Variants in ADGRE2 observed in about 807,000 individuals in gnomAD.
ADGRE2 encodes adhesion G protein-coupled receptor E2.
ADGRE2 carries 83 observed loss-of-function variants against 100.8 expected under a neutral mutation model. The observed-to-expected ratio is 0.82, with a 90% CI of 0.69 to 0.99. The LOEUF (loss-of-function observed/expected upper bound fraction) is 0.99. Ranked by LOEUF, ADGRE2 falls within the 50% of genes least tolerant of loss-of-function variation. The pLI is 0.00. For synonymous variants in ADGRE2, 355 were observed against 413.0 expected (o/e 0.86, Z 1.70); for missense variants, 814 against 1,035.7 (o/e 0.79, Z 2.94).
chr19:14,755,290 A>AAAAAAAC (rs1568599134), intron 13 of ADGRE2, among the ~76,000 whole-genome samples, 163 bp from the exon 14 acceptor site: 3 of 31,338 alleles, frequency 9.6e-5, no homozygotes, highest in Non-Finnish European at 1.3e-4. Flanking sequence ...AAAAAAAAAA[A>AAAAAAAC]AAAAATACAA....
downstream of ADGRE2, chr19:14,731,663 GT>G (rs1200309048): frequency 1.3e-5 from 2 of 154,286 alleles, no homozygotes; most frequent in Non-Finnish European, 2.9e-5. Context: ...CGTATTTCAT[GT>G]TTCAAACTGG....
At chr19:14,770,675 T>TC (rs1206557137) in intron 5 of ADGRE2, among the ~76,000 whole-genome samples, 1 of 109,178 alleles carries the variant, frequency 9.2e-6, no homozygotes, top group African/African-American at 3.6e-5. Context: ...TTTTCTTTTT[T>TC]TTTTTTTTTT....
At position 14,766,320 on chromosome 19, in the gene ADGRE2, G is replaced by A. The variant is rs900927252; in HGVS notation, c.549C>T (p.Asn183=). The A allele has an allele frequency of 5.6e-6, 9 of 1,613,986 alleles. No individual in the cohort carries two copies. The highest frequency in any genetic ancestry group is 4.5e-5 in the East Asian group (2 of 44,878). ...PCHSSTHCLN[N]VGSYQCRCRP... is the part of the protein sequence containing the mutation. ...GGCAGCGGCACTGATAGCTGCCCACGTTGTTGAGGCAGTGGGTGGAGCTGT... is the reference window on the plus strand; with the variant it reads ...GGCAGCGGCACTGATAGCTGCCCACATTGTTGAGGCAGTGGGTGGAGCTGT... Residue 183 remains asparagine, a synonymous_variant, in exon 7 of 21, where the codon AAC becomes AAT. Coordinates refer to ENST00000315576, the MANE Select transcript of ADGRE2 (RefSeq NM_013447.4).
intron 20 of ADGRE2, among the ~76,000 whole-genome samples, chr19:14,738,670 G>A (rs3795030): frequency 0.29 from 43,891 of 151,968 alleles, 6,709 homozygotes; most frequent in South Asian, 0.52. Flanking sequence ...GAGCCACTGC[G>A]CCCAGCCTGA....
chr19:14,776,635 AC>A (rs1313675771), intron 2 of ADGRE2, 90 bp downstream of exon 2: 1 of 1,425,548 alleles, frequency 7.0e-7, no homozygotes, highest in Non-Finnish European at 9.7e-7. Flanking sequence ...CCCCACAGAC[AC>A]CAGCGGCGCC....
chr19:14,759,188 C>G (rs2043611931), intron 11 of ADGRE2, among the ~76,000 whole-genome samples: 2 of 151,944 alleles, frequency 1.3e-5, no homozygotes, highest in South Asian at 4.2e-4. Context: ...GAAGAGGGAG[C>G]CCCCACGTTG....
chr19:14,752,507 G>A lies in ADGRE2; in HGVS notation c.1610C>T (p.Thr537Ile), dbSNP rs752129297. The A allele has an allele frequency of 3.7e-6, 6 of 1,614,048 alleles. No individual in the cohort carries two copies. In the East Asian group the frequency reaches 6.7e-5, roughly 18 times the overall value. Reference sequence around the variant, plus strand: ...GCTCAGCCCCATGTAGGTGATGACAGTCAGCACGGGATCCTCCTCCTGGGA... The same window carrying A: ...GCTCAGCCCCATGTAGGTGATGACAATCAGCACGGGATCCTCCTCCTGGGA... ...YDVQEEDPVL[T>I]VITYMGLSVS... Residue 537 changes from threonine to isoleucine, a missense_variant, in exon 15 of 21, where the codon ACT (threonine) becomes ATT (isoleucine). This residue lies in a region of ADGRE2 where 569 missense variants were observed against 692.7 expected (regional missense o/e 0.82). Coordinates refer to ENST00000315576, the MANE Select transcript of ADGRE2 (RefSeq NM_013447.4).
chr19:14,732,388 C>T (rs915904626), downstream of ADGRE2: 1 of 151,992 alleles, frequency 6.6e-6, no homozygotes, highest in Non-Finnish European at 1.5e-5. Flanking sequence ...ACTGGGAAAC[C>T]AAAAAATGTG....
In ADGRE2 at chr19:14,751,912, C is replaced by CAT. The variant is rs1259908615; in HGVS notation, c.1789-243_1789-242dup. ...ACGTATACACACACACACACACACACATATATATATATATATATATTTTTT... is the reference window on the plus strand; with the variant it reads ...ACGTATACACACACACACACACACACATATATATATATATATATATATTTTTT... On this transcript the variant is annotated intron_variant, in intron 15 of 20. Coordinates refer to ENST00000315576, the MANE Select transcript of ADGRE2 (RefSeq NM_013447.4). Among the ~76,000 whole-genome samples the CAT allele has an allele frequency of 2.8e-3, 262 of 95,024 alleles. 1 individual carries two copies. The highest frequency in any genetic ancestry group is 6.2e-3 in the East Asian group (20 of 3,224). The allele number at this position is 95,024 out of a possible 152,430, so 62.3% of individuals were successfully genotyped here. A position where few individuals can be genotyped will look rare whatever the true frequency, so the allele number is the denominator to read the frequency against.
chr19:14,769,947 C>T (rs903951005), intron 5 of ADGRE2, among the ~76,000 whole-genome samples: 2 of 152,182 alleles, frequency 1.3e-5, no homozygotes, highest in Admixed American at 1.3e-4. Flanking sequence ...ATCCGCCCAC[C>T]TCGGCCTCCC....
At chr19:14,773,888 T>A (rs376561082) in intron 4 of ADGRE2, 50 bp downstream of exon 4, 121 of 1,536,328 alleles carry the variant, frequency 7.9e-5, no homozygotes, top group Admixed American at 2.0e-4. Context: ...GGCACTGGGC[T>A]ATGCCTCATA....
At position 14,748,031 on chromosome 19, in the gene ADGRE2, T is replaced by G. The variant is rs183885165; in HGVS notation, c.2025-1069A>C. Among the ~76,000 whole-genome samples the G allele has an allele frequency of 1.8e-3, 277 of 152,272 alleles. 1 individual carries two copies. The highest frequency in any genetic ancestry group is 6.4e-3 in the African/African-American group (264 of 41,562). Reference sequence around the variant, plus strand: ...ACATTTTGTAGGTTTGTTATGTAGGTAAAATGCATGTTGCGGCGGTTTGGT... The same window carrying G: ...ACATTTTGTAGGTTTGTTATGTAGGGAAAATGCATGTTGCGGCGGTTTGGT... On this transcript the variant is annotated intron_variant, in intron 16 of 20. Transcript: ENST00000315576.
rs763935066 is a variant in ADGRE2, at chr19:14,766,330, C to T, written c.539G>A (p.Cys180Tyr). 6 of 1,613,986 alleles carry T rather than the reference C, an allele frequency of 3.7e-6. No homozygotes were observed. The African/African-American group carries it at 4.0e-5, about 11-fold the overall frequency. ...GQNPCHSSTH[C>Y]LNNVGSYQCR... ...CTGATAGCTGCCCACGTTGTTGAGGCAGTGGGTGGAGCTGTGGCATGGGTT... is the reference window on the plus strand; with the variant it reads ...CTGATAGCTGCCCACGTTGTTGAGGTAGTGGGTGGAGCTGTGGCATGGGTT... Residue 180 changes from cysteine (C) to tyrosine (Y), a missense_variant, in exon 7 of 21, where the codon TGC becomes TAC. By Grantham distance (194) the Cys-to-Tyr change is radical (BLOSUM62 -2). This residue lies in a region of ADGRE2 where 69 missense variants were observed against 75.3 expected (regional missense o/e 0.92). Transcript: ENST00000315576.
chr19:14,726,950 AT>A, the ADGRE2 span, among the ~76,000 whole-genome samples: 1 of 149,668 alleles, frequency 6.7e-6, no homozygotes, highest in South Asian at 2.1e-4. Flanking sequence ...ATTTTCAGAA[AT>A]TTTCTGTATT....
intron 2 of ADGRE2, among the ~76,000 whole-genome samples, chr19:14,775,240 G>C (rs1201140678): frequency 6.6e-6 from 1 of 151,960 alleles, no homozygotes; most frequent in Non-Finnish European, 1.5e-5. Flanking sequence ...CCTAACCTCA[G>C]GTGATCTGCC....
chr19:14,774,904 C>A (rs932158952), intron 2 of ADGRE2, among the ~76,000 whole-genome samples: 7 of 151,092 alleles, frequency 4.6e-5, no homozygotes, highest in African/African-American at 1.7e-4. Flanking sequence ...GAACTCCTGA[C>A]CTCAGGTGAT....
At position 14,734,029 on chromosome 19, in the gene ADGRE2, C is replaced by T. The variant is rs1449028694; in HGVS notation, c.*2207G>A. 6.6e-6 allele frequency: 1 copy of T among 152,184 alleles called. No homozygotes were observed. The highest frequency in any genetic ancestry group is 1.5e-5 in the Non-Finnish European group (1 of 68,080). 9.4% of individuals were successfully genotyped at this position (152,184 alleles called of 1,614,324 possible). A position where few individuals can be genotyped will look rare whatever the true frequency, so the allele number is the denominator to read the frequency against. ...AATGTTCCCAGCTGAGTTGACAAAG[C>T]AATGCTCTGTAATGTTTTGGTTCTT... is the stretch of plus-strand genomic sequence containing the variant. On this transcript the variant is annotated 3_prime_UTR_variant, in exon 21 of 21. Coordinates refer to ENST00000315576, the MANE Select transcript of ADGRE2 (RefSeq NM_013447.4).
chr19:14,726,064 C>T, the ADGRE2 span, among the ~76,000 whole-genome samples: 1 of 152,190 alleles, frequency 6.6e-6, no homozygotes, highest in Non-Finnish European at 1.5e-5. Context: ...TAGGTGGAAG[C>T]CACTAAGCCT....
At chr19:14,726,134 T>TA in the ADGRE2 span, among the ~76,000 whole-genome samples, 25 of 152,290 alleles carry the variant, frequency 1.6e-4, no homozygotes, top group Non-Finnish European at 3.1e-4. Flanking sequence ...CACCAAAGCT[T>TA]ACAGCTTGCA....
Sources: allele counts gnomAD v4.1 joint callset (sites outside exome capture counted in the v4.1 genomes callset), GRCh38; gene constraint gnomAD v4.1.1; regional missense constraint gnomAD v4.1.1; transcripts MANE v1.5; gene names NCBI Gene and HGNC (gene_info 2026-07-23, HGNC 2026-07-21).